BMPER: variants seen among roughly 807,000 people sequenced by gnomAD.
The protein encoded by BMPER is BMP binding endothelial regulator.
BMPER carries 45 observed loss-of-function variants against 87.3 expected under a neutral mutation model. The ratio of observed to expected loss-of-function variants is 0.52; its 90% CI spans 0.41 to 0.66. BMPER has a LOEUF of 0.66. Ranked by LOEUF, BMPER falls within the 30% of genes least tolerant of loss-of-function variation. The probability of loss-of-function intolerance (pLI) is 0.00; values close to 1 mark genes in which losing one functional copy is unlikely to be tolerated. For missense variants in BMPER, 784 were observed against 867.5 expected (o/e 0.90, Z 1.21); for synonymous variants, 326 against 316.2 (o/e 1.03, Z -0.33).
At chr7:34,074,719 T>C (rs975014948) in intron 11 of BMPER, among the ~76,000 whole-genome samples, 2 of 152,208 alleles carry the variant, frequency 1.3e-5, no homozygotes, top group African/African-American at 2.4e-5. Context: ...CCTTTCTCTT[T>C]GCTGAAGTAA....
intron 14 of BMPER, among the ~76,000 whole-genome samples, chr7:34,149,270 G>A (rs137983804): frequency 2.3e-3 from 345 of 152,216 alleles, no homozygotes; most frequent in African/African-American, 8.1e-3. Flanking sequence ...TTTTTTAAAG[G>A]CATATCAAGA....
intron 13 of BMPER, among the ~76,000 whole-genome samples, chr7:34,139,942 C>T (rs10223979): frequency 0.76 from 115,588 of 152,012 alleles, 44,372 homozygotes; most frequent in East Asian, 0.91. Context: ...ATTACTATTT[C>T]CTTAGGTGTA....
chr7:33,945,221 C>G (rs549499205), intron 3 of BMPER, among the ~76,000 whole-genome samples: 79 of 146,458 alleles, frequency 5.4e-4, no homozygotes, highest in Middle Eastern at 4.1e-3. Flanking sequence ...GATTACAGGC[C>G]TGAGCCACCG....
In BMPER at chr7:34,104,699, G is replaced by C. The variant is rs115207092; in HGVS notation, c.1745+18607G>C. ...AAACGTGGGTGTGGCATGGTGGCTG[G>C]TGAAGCCCCTAAATGAACTCAGACA... On this transcript the variant is annotated intron_variant, in intron 13 of 14. Transcript: ENST00000649409. Among the ~76,000 whole-genome samples, 734 of 152,254 alleles carry C rather than the reference G, an allele frequency of 4.8e-3. 4 individuals carry two copies. The highest frequency in any genetic ancestry group is 0.016 in the African/African-American group (658 of 41,550).
At position 33,986,449 on chromosome 7, in the gene BMPER, T is replaced by C. The variant is rs533998495; in HGVS notation, c.576+11665T>C. Among the ~76,000 whole-genome samples, 6 of 152,360 alleles carry C rather than the reference T, an allele frequency of 3.9e-5. No individual in the cohort carries two copies. In the South Asian group the frequency reaches 1.2e-3, roughly 32 times the overall value. On this transcript the variant is annotated intron_variant, in intron 6 of 14. Coordinates refer to ENST00000649409, the MANE Select transcript of BMPER (RefSeq NM_001365308.1). ...AGTCTTATAGCTGTTGATTTGAGTA[T>C]CCATGTTCTTGAAAATGAGTTATAC... is the stretch of plus-strand genomic sequence containing the variant.
At chr7:33,965,000 C>A (rs1384061970) in intron 3 of BMPER, among the ~76,000 whole-genome samples, 2 of 152,108 alleles carry the variant, frequency 1.3e-5, no homozygotes, top group African/African-American at 4.8e-5. Context: ...GCACATGGCA[C>A]GTCTCTTGTA....
At chr7:34,113,984 C>T (rs1357735969) in intron 13 of BMPER, among the ~76,000 whole-genome samples, 2 of 152,156 alleles carry the variant, frequency 1.3e-5, no homozygotes, top group South Asian at 2.1e-4. Context: ...GCCGTCTTCT[C>T]TCTTACTGAC....
chr7:34,112,357 G>T (rs1189354700), intron 13 of BMPER, among the ~76,000 whole-genome samples: 2 of 151,830 alleles, frequency 1.3e-5, no homozygotes, highest in Non-Finnish European at 2.9e-5. Context: ...TTAGCCAGGC[G>T]TGGTGGTGGG....
At chr7:34,090,942 T>C (rs1416851213) in intron 13 of BMPER, among the ~76,000 whole-genome samples, 1 of 152,214 alleles carries the variant, frequency 6.6e-6, no homozygotes, top group African/African-American at 2.4e-5. Context: ...TAGGAAATGT[T>C]CTTTTCCTTC....
chr7:33,913,152 C>T (rs1315478509), intron 2 of BMPER, among the ~76,000 whole-genome samples: 1 of 152,052 alleles, frequency 6.6e-6, no homozygotes, highest in Admixed American at 6.6e-5. Flanking sequence ...GTATCTGGGA[C>T]CGTGATGTGG....
intron 3 of BMPER, among the ~76,000 whole-genome samples, chr7:33,942,028 C>A (rs1274020434): frequency 6.6e-6 from 1 of 151,956 alleles, no homozygotes; most frequent in East Asian, 1.9e-4. Context: ...GGGTGCCAGG[C>A]AGAATGGGTG....
intron 2 of BMPER, among the ~76,000 whole-genome samples, chr7:33,911,191 T>C (rs1274320237): frequency 6.6e-6 from 1 of 152,242 alleles, no homozygotes; most frequent in Admixed American, 6.5e-5. Flanking sequence ...ATGTGACCAA[T>C]TACCTTTCAA....
chr7:34,028,764 G>A (rs1343540012), intron 6 of BMPER, among the ~76,000 whole-genome samples: 1 of 151,598 alleles, frequency 6.6e-6, no homozygotes, highest in Non-Finnish European at 1.5e-5. Flanking sequence ...CTAACCGTGG[G>A]TTCTACTCAC....
chr7:33,999,125 C>T (rs567298391), intron 6 of BMPER, among the ~76,000 whole-genome samples: 140 of 152,332 alleles, frequency 9.2e-4, no homozygotes, highest in Admixed American at 2.1e-3. Flanking sequence ...TACATGTTCC[C>T]AGAGAGGAAA....
Position 33,914,870 on chromosome 7 carries a change from C to A in BMPER, c.219+7967C>A, listed in dbSNP as rs140877368. On this transcript the variant is annotated intron_variant, in intron 2 of 14. Coordinates refer to ENST00000649409, the MANE Select transcript of BMPER (RefSeq NM_001365308.1). ...GTTTGAAGAAGACAAAGACTAGTGG[C>A]ATTAAACATTGCAAAGACCTGGAAG... Among the ~76,000 whole-genome samples the A allele has an allele frequency of 2.8e-3, 429 of 152,246 alleles. 3 individuals carry two copies. The highest frequency in any genetic ancestry group is 9.8e-3 in the African/African-American group (407 of 41,538).
chr7:33,961,517 G>C (rs1176023047), intron 3 of BMPER, among the ~76,000 whole-genome samples: 1 of 152,192 alleles, frequency 6.6e-6, no homozygotes, highest in Non-Finnish European at 1.5e-5. Context: ...CAGTGAGCCT[G>C]TTGCAATAGT....
intron 6 of BMPER, among the ~76,000 whole-genome samples, chr7:34,038,043 A>G (rs748830949): frequency 2.6e-5 from 4 of 152,174 alleles, no homozygotes; most frequent in Non-Finnish European, 5.9e-5. Flanking sequence ...TTTAATAATA[A>G]TTAGGGTAGG....
intron 6 of BMPER, among the ~76,000 whole-genome samples, chr7:34,016,951 G>A (rs904811215): frequency 2.6e-5 from 4 of 151,898 alleles, no homozygotes; most frequent in Non-Finnish European, 2.9e-5. Flanking sequence ...TTTTAAATCA[G>A]AAATCAACTT....
At chr7:34,007,073 A>C (rs557827559) in intron 6 of BMPER, among the ~76,000 whole-genome samples, 2 of 152,110 alleles carry the variant, frequency 1.3e-5, no homozygotes, top group Non-Finnish European at 2.9e-5. Context: ...GAGGGCAATA[A>C]GCCTTGCCTT....
Sources: gnomAD v4.1 joint callset for allele counts (sites outside exome capture counted in the v4.1 genomes callset) on GRCh38, gnomAD v4.1.1 for gene constraint, MANE v1.5 for transcripts, NCBI Gene and HGNC (gene_info 2026-07-23, HGNC 2026-07-21) for gene names.